NOTO: variants seen among roughly 807,000 people sequenced by gnomAD.
NOTO encodes notochord homeobox.
In NOTO, 19 loss-of-function variants were observed where a neutral mutation model predicts 20.5. The observed-to-expected ratio is 0.93, with a 90% CI of 0.65 to 1.36. The LOEUF is 1.36. Ranked by LOEUF, NOTO falls within the 40% of genes most tolerant of loss-of-function variation. The pLI is 0.00. For synonymous variants in NOTO, 150 were observed against 150.2 expected (o/e 1.00, Z 0.01); for missense variants, 369 against 336.2 (o/e 1.10, Z -0.76).
rs1307677115 is a variant in NOTO at position 73,211,211 on chromosome 2, CA to C, written c.*283del. On this transcript the variant is annotated 3_prime_UTR_variant, in exon 3 of 3. Coordinates refer to ENST00000398468, the MANE Select transcript of NOTO (RefSeq NM_001134462.2). ...GGGTGCATTCATAACTTAGATCACCCAGGGGTGAGAAGATGTCTGTAAAGCA... is the reference window on the plus strand; with the variant it reads ...GGGTGCATTCATAACTTAGATCACCCGGGGTGAGAAGATGTCTGTAAAGCA... The C allele has an allele frequency of 5.7e-6, 2 of 352,836 alleles. No individual in the cohort carries two copies. Among genetic ancestry groups the C allele is most frequent in the Middle Eastern group, 7.6e-4 (1 of 1,312 alleles). 21.9% of individuals were successfully genotyped at this position (352,836 alleles called of 1,614,324 possible).
chr2:73,210,103 G>C (rs996449210), intron 2 of NOTO, among the ~76,000 whole-genome samples: 4 of 151,870 alleles, frequency 2.6e-5, no homozygotes, highest in Admixed American at 2.6e-4. Context: ...GTGCACTTCA[G>C]ATGTAAATAG....
chr2:73,205,583 G>A (rs920135122), intron 1 of NOTO, among the ~76,000 whole-genome samples: 2 of 152,074 alleles, frequency 1.3e-5, no homozygotes, highest in South Asian at 2.1e-4. Flanking sequence ...TGATTATGGC[G>A]GTATTCTTTT....
At position 73,202,681 on chromosome 2, in the gene NOTO, G is replaced by T; in HGVS notation, c.15G>T (p.Arg5Ser). Residue 5 changes from arginine (R) to serine (S), a missense_variant, in exon 1 of 3, where the codon AGG (arginine) becomes AGT (serine). Arg to Ser is a moderately radical substitution (Grantham distance 110, BLOSUM62 -1). Transcript: ENST00000398468. MPSP[R>S]PRGSPPPAPS... The stretch of plus-strand genomic sequence containing the variant: ...ACGGCCGCGTCATGCCTAGCCCCAG[G>T]CCGCGAGGCAGCCCGCCACCCGCTC... 6.7e-7 allele frequency: 1 copy of T among 1,494,828 alleles called. No homozygotes were observed. The highest frequency in any genetic ancestry group is 1.3e-5 in the South Asian group (1 of 79,388). The allele number at this position is 1,494,828 out of a possible 1,614,324, so 92.6% of individuals were successfully genotyped here.
In NOTO at chr2:73,211,205, A is replaced by C; in HGVS notation, c.*276A>C. On this transcript the variant is annotated 3_prime_UTR_variant, in exon 3 of 3. Coordinates refer to ENST00000398468, the MANE Select transcript of NOTO (RefSeq NM_001134462.2). ...TATAATGGGTGCATTCATAACTTAG[A>C]TCACCCAGGGGTGAGAAGATGTCTG... The C allele has an allele frequency of 2.7e-6, 1 of 371,646 alleles. No individual in the cohort carries two copies. The highest frequency in any genetic ancestry group is 4.9e-6 in the Non-Finnish European group (1 of 205,452). 23.0% of individuals were successfully genotyped at this position (371,646 alleles called of 1,614,324 possible).
rs1314631996 is a variant in NOTO, at chr2:73,212,468, CTG to C, written c.*1543_*1544del. On this transcript the variant is annotated 3_prime_UTR_variant, in exon 3 of 3. Transcript: ENST00000398468. ...GGCTGGCATTTTGTCATAAACTCTG[CTG>C]TGTTTTCACAGGACAGTTATAATTT... 1 of 152,370 alleles carries C rather than the reference CTG, an allele frequency of 6.6e-6. No individual in the cohort carries two copies. Among genetic ancestry groups the C allele is most frequent in the African/African-American group, 2.4e-5 (1 of 41,588 alleles). The allele number at this position is 152,370 out of a possible 1,614,324, so 9.4% of individuals were successfully genotyped here. A position where few individuals can be genotyped will look rare whatever the true frequency, so the allele number is the denominator to read the frequency against.
At position 73,210,772 on chromosome 2, in the gene NOTO, TGA is replaced by T. The variant is rs1189034203; in HGVS notation, c.603_604del (p.Arg201SerfsTer30). The T allele has an allele frequency of 2.6e-6, 4 of 1,548,482 alleles. No individual in the cohort carries two copies. The South Asian group carries it at 4.8e-5, about 19-fold the overall frequency. ...TCTCTGCCCACTCTCCAATTATAGG[TGA>T]GAGTCTGGTTCCAGAACCGCAGGGT... On this transcript the variant is annotated frameshift_variant and splice_region_variant, in exon 3 of 3. Transcript: ENST00000398468. LOFTEE classifies it high-confidence loss of function.
intron 1 of NOTO, among the ~76,000 whole-genome samples, chr2:73,204,885 TTA>T (rs1446333567): frequency 0.042 from 3,183 of 75,470 alleles, 468 homozygotes; most frequent in African/African-American, 0.17. Context: ...TTTTATTTTT[TTA>T]TTTTTTTTTT....
chr2:73,204,877 TTATTTTTTTA>T lies in NOTO; in HGVS notation c.382+1831_382+1840del, dbSNP rs1362076660. On this transcript the variant is annotated intron_variant, in intron 1 of 2. Coordinates refer to ENST00000398468, the MANE Select transcript of NOTO (RefSeq NM_001134462.2). Reference sequence around the variant, plus strand: ...CAGCACCATGCCCGGCTAATTTTTTTTATTTTTTTATTTTTTTTTTTTGAGGCGGAGTCTT... The same window carrying T: ...CAGCACCATGCCCGGCTAATTTTTTTTTTTTTTTTTTTGAGGCGGAGTCTT... 2.4e-3 allele frequency among the ~76,000 whole-genome samples: 143 copies of T among 59,730 alleles called. 8 individuals carry two copies. The highest frequency in any genetic ancestry group is 0.015 in the African/African-American group (135 of 9,116). The allele number at this position is 59,730 out of a possible 152,430, so 39.2% of individuals were successfully genotyped here. A position where few individuals can be genotyped will look rare whatever the true frequency, so the allele number is the denominator to read the frequency against.
Position 73,203,026 on chromosome 2 carries a change from C to T in NOTO, c.360C>T (p.Gly120=), listed in dbSNP as rs1686028454. The T allele has an allele frequency of 1.4e-6, 2 of 1,407,166 alleles. No homozygotes were observed. The highest frequency in any genetic ancestry group is 1.8e-6 in the Non-Finnish European group (2 of 1,082,952). 87.2% of individuals were successfully genotyped at this position (1,407,166 alleles called of 1,614,324 possible). A position where few individuals can be genotyped will look rare whatever the true frequency, so the allele number is the denominator to read the frequency against. Residue 120 remains glycine (G), a synonymous_variant, in exon 1 of 3, where the codon GGC becomes GGT. Transcript: ENST00000398468. ...VPGPRVAPVC[G]LLGFGVTGLE... ...GGCCGCGCGTGGCTCCCGTCTGCGG[C>T]CTGCTGGGCTTCGGCGTCACAGGTA...
chr2:73,202,683 C>T lies in NOTO; in HGVS notation c.17C>T (p.Pro6Leu), dbSNP rs1686019880. MPSPRPRGSPPPAPSG... is the reference protein window; with the variant it reads MPSPRLRGSPPPAPSG... Reference sequence around the variant, plus strand: ...GGCCGCGTCATGCCTAGCCCCAGGCCGCGAGGCAGCCCGCCACCCGCTCCC... The same window carrying T: ...GGCCGCGTCATGCCTAGCCCCAGGCTGCGAGGCAGCCCGCCACCCGCTCCC... Residue 6 changes from proline (P) to leucine (L), a missense_variant, in exon 1 of 3, where the codon CCG becomes CTG. Pro to Leu is a moderately conservative substitution (Grantham distance 98). Coordinates refer to ENST00000398468, the MANE Select transcript of NOTO (RefSeq NM_001134462.2). The T allele has an allele frequency of 3.3e-6, 5 of 1,497,752 alleles. No individual in the cohort carries two copies. The East Asian group carries it at 1.4e-4, about 41-fold the overall frequency. 92.8% of individuals were successfully genotyped at this position (1,497,752 alleles called of 1,614,324 possible).
chr2:73,203,064 C>A lies in NOTO; in HGVS notation c.382+16C>A. Reference sequence around the variant, plus strand: ...GGCGTCACAGGTACTGCGGTCCCGGCGCCCGCACGCGGGGGACTGGGCGGG... The same window carrying A: ...GGCGTCACAGGTACTGCGGTCCCGGAGCCCGCACGCGGGGGACTGGGCGGG... On this transcript the variant is annotated intron_variant, in intron 1 of 2. Coordinates refer to ENST00000398468, the MANE Select transcript of NOTO (RefSeq NM_001134462.2). The A allele has an allele frequency of 1.5e-6, 2 of 1,371,878 alleles. No homozygotes were observed. The highest frequency in any genetic ancestry group is 1.7e-5 in the South Asian group (1 of 58,312). The allele number at this position is 1,371,878 out of a possible 1,614,324, so 85.0% of individuals were successfully genotyped here. A position where few individuals can be genotyped will look rare whatever the true frequency, so the allele number is the denominator to read the frequency against.
chr2:73,211,493 C>A lies in NOTO; in HGVS notation c.*564C>A, dbSNP rs1226710570. The A allele has an allele frequency of 6.6e-6, 1 of 152,020 alleles. No individual in the cohort carries two copies. Among genetic ancestry groups the A allele is most frequent in the Non-Finnish European group, 1.5e-5 (1 of 68,010 alleles). The allele number at this position is 152,020 out of a possible 1,614,324, so 9.4% of individuals were successfully genotyped here. A position where few individuals can be genotyped will look rare whatever the true frequency, so the allele number is the denominator to read the frequency against. On this transcript the variant is annotated 3_prime_UTR_variant, in exon 3 of 3. Transcript: ENST00000398468. ...TTCAGGGCTCATTCCACATGGCAGC[C>A]CCTCCTTTCTTTTTTTTTTGAGACA...
At chr2:73,205,392 G>A (rs530554854) in intron 1 of NOTO, among the ~76,000 whole-genome samples, 14 of 152,124 alleles carry the variant, frequency 9.2e-5, no homozygotes, top group African/African-American at 2.9e-4. Context: ...GCACCTTGGC[G>A]GGGGCTGAAG....
chr2:73,204,713 G>GT (rs1338083456), intron 1 of NOTO, among the ~76,000 whole-genome samples: 6 of 151,912 alleles, frequency 3.9e-5, no homozygotes, highest in African/African-American at 1.4e-4. Flanking sequence ...GTTCTGTTTT[G>GT]TTTTGTTTTG....
Position 73,202,672 on chromosome 2 carries a change from T to A in NOTO, c.6T>A (p.Pro2=). Reference sequence around the variant, plus strand: ...GTCCGGGCAACGGCCGCGTCATGCCTAGCCCCAGGCCGCGAGGCAGCCCGC... The same window carrying A: ...GTCCGGGCAACGGCCGCGTCATGCCAAGCCCCAGGCCGCGAGGCAGCCCGC... The part of the protein sequence containing the change: M[P]SPRPRGSPPP... Residue 2 remains proline, a synonymous_variant, in exon 1 of 3, where the codon CCT becomes CCA. Coordinates refer to ENST00000398468, the MANE Select transcript of NOTO (RefSeq NM_001134462.2). 29 of 1,484,340 alleles carry A rather than the reference T, an allele frequency of 2.0e-5. No homozygotes were observed. The highest frequency in any genetic ancestry group is 2.4e-5 in the Non-Finnish European group (27 of 1,125,534). 91.9% of individuals were successfully genotyped at this position (1,484,340 alleles called of 1,614,324 possible). A position where few individuals can be genotyped will look rare whatever the true frequency, so the allele number is the denominator to read the frequency against.
intron 1 of NOTO, among the ~76,000 whole-genome samples, chr2:73,207,629 A>T (rs1686107562): frequency 6.6e-6 from 1 of 151,966 alleles, no homozygotes. Flanking sequence ...ATCTTGGCTC[A>T]CTGCAACCTC....
At chr2:73,206,829 C>T (rs1686095053) in intron 1 of NOTO, among the ~76,000 whole-genome samples, 1 of 128,880 alleles carries the variant, frequency 7.8e-6, no homozygotes, top group Non-Finnish European at 1.6e-5. Context: ...GAGTCTCACT[C>T]TATCACCCAG....
Position 73,202,585 on chromosome 2 carries a change from G to C in NOTO, c.-82G>C. On this transcript the variant is annotated 5_prime_UTR_variant, in exon 1 of 3. Transcript: ENST00000398468. ...AGCGCCAGGAGGTTCCCAGACAACC[G>C]GTCTTGCTCGCTGCCTTTTGCAGAA... The C allele has an allele frequency of 1.3e-5, 17 of 1,312,086 alleles. No individual in the cohort carries two copies. The highest frequency in any genetic ancestry group is 1.7e-5 in the Non-Finnish European group (17 of 1,011,132). 81.3% of individuals were successfully genotyped at this position (1,312,086 alleles called of 1,614,324 possible). A position where few individuals can be genotyped will look rare whatever the true frequency, so the allele number is the denominator to read the frequency against.
Position 73,211,157 on chromosome 2 carries a change from T to G in NOTO, c.*228T>G. On this transcript the variant is annotated 3_prime_UTR_variant, in exon 3 of 3. Coordinates refer to ENST00000398468, the MANE Select transcript of NOTO (RefSeq NM_001134462.2). ...ATGTCCTTGGCCAACCTATGGAACT[T>G]CCGAGCCTTTTTTCTTTATCTGTAT... is the stretch of plus-strand genomic sequence containing the variant. 1 of 493,022 alleles carries G rather than the reference T, an allele frequency of 2.0e-6. No individual in the cohort carries two copies. Among genetic ancestry groups the G allele is most frequent in the East Asian group, 3.4e-5 (1 of 29,658 alleles). The allele number at this position is 493,022 out of a possible 1,614,324, so 30.5% of individuals were successfully genotyped here.
Sources: allele counts gnomAD v4.1 joint callset (sites outside exome capture counted in the v4.1 genomes callset), GRCh38; gene constraint gnomAD v4.1.1; transcripts MANE v1.5; gene names NCBI Gene and HGNC (gene_info 2026-07-23, HGNC 2026-07-21).